SPINK5: variants seen among roughly 807,000 people sequenced by gnomAD.
The protein encoded by SPINK5 is serine protease inhibitor Kazal-type 5.
In SPINK5, 125 loss-of-function variants were observed where a neutral mutation model predicts 151.8. That is an observed-to-expected ratio of 0.82 (90% confidence interval 0.71 to 0.96). The LOEUF is 0.96. Among genes scored for constraint, SPINK5 ranks in the 40% least tolerant of loss-of-function variants. SPINK5 has a pLI of 0.00. For synonymous variants in SPINK5, 374 were observed against 395.3 expected (o/e 0.95, Z 0.64); for missense variants, 1,194 against 1,291.9 (o/e 0.92, Z 1.16).
chr5:148,131,143 C>G (rs1754559432), intron 30 of SPINK5, 116 bp from the exon 31 acceptor site: 5 of 1,325,412 alleles, frequency 3.8e-6, no homozygotes, highest in Non-Finnish European at 5.4e-6. Context: ...ACATATATCA[C>G]ACTCCTTTTA....
At chr5:148,074,210 G>A (rs1387026968) in intron 4 of SPINK5, among the ~76,000 whole-genome samples, 1 of 151,718 alleles carries the variant, frequency 6.6e-6, no homozygotes, top group Non-Finnish European at 1.5e-5. Flanking sequence ...TCCTCCTACA[G>A]ACATCCTCTC....
intron 4 of SPINK5, among the ~76,000 whole-genome samples, chr5:148,072,905 TAGAA>T (rs1299189096): frequency 2.7e-5 from 4 of 150,904 alleles, no homozygotes; most frequent in African/African-American, 7.3e-5. Context: ...AGAAGTAAGA[TAGAA>T]GGAAGGAAAG....
At chr5:148,099,519 A>G (rs1753578185) in intron 12 of SPINK5, among the ~76,000 whole-genome samples, 1 of 141,974 alleles carries the variant, frequency 7.0e-6, no homozygotes, top group South Asian at 2.3e-4. Context: ...AAAAAAAAAA[A>G]TTGTTTAAAA....
In SPINK5 at chr5:148,129,328, T is replaced by C. The variant is rs1394599112; in HGVS notation, c.2965-1931T>C. ...AAGGAATAACTTTGCCTGATACCTA[T>C]TGAAAACACTGCAGGGAGGCAAGGG... is the stretch of plus-strand genomic sequence containing the variant. On this transcript the variant is annotated intron_variant, in intron 30 of 32. Coordinates refer to ENST00000256084, the MANE Select transcript of SPINK5 (RefSeq NM_006846.4). Among the ~76,000 whole-genome samples, 8 of 152,212 alleles carry C rather than the reference T, an allele frequency of 5.3e-5. No homozygotes were observed. The East Asian group carries it at 5.8e-4, about 11-fold the overall frequency.
chr5:148,118,913 C>T lies in SPINK5; in HGVS notation c.2241-73C>T, dbSNP rs1025607325. 23 of 1,465,762 alleles carry T rather than the reference C, an allele frequency of 1.6e-5. 1 individual carries two copies. The Middle Eastern group carries it at 6.9e-4, about 44-fold the overall frequency. 90.8% of individuals were successfully genotyped at this position (1,465,762 alleles called of 1,614,324 possible). On this transcript the variant is annotated intron_variant, in intron 23 of 32. Transcript: ENST00000256084. Reference sequence around the variant, plus strand: ...GAAAGCTGACTTCTTGTCATTTGCACGGGACACACTTAGTGCATAATCCAG... The same window carrying T: ...GAAAGCTGACTTCTTGTCATTTGCATGGGACACACTTAGTGCATAATCCAG...
At position 148,137,115 on chromosome 5, in the gene SPINK5, G is replaced by C; in HGVS notation, c.*124G>C. On this transcript the variant is annotated 3_prime_UTR_variant, in exon 33 of 33. Transcript: ENST00000256084. ...CTTATTTGCTATAGAAAACAATACAGAGCTTTTGGGAATGGACTCACTGAT... is the reference window on the plus strand; with the variant it reads ...CTTATTTGCTATAGAAAACAATACACAGCTTTTGGGAATGGACTCACTGAT... 1 of 1,289,200 alleles carries C rather than the reference G, an allele frequency of 7.8e-7. No individual in the cohort carries two copies. Among genetic ancestry groups the C allele is most frequent in the Non-Finnish European group, 1.1e-6 (1 of 889,720 alleles). 79.9% of individuals were successfully genotyped at this position (1,289,200 alleles called of 1,614,324 possible). A position where few individuals can be genotyped will look rare whatever the true frequency, so the allele number is the denominator to read the frequency against.
chr5:148,064,094 T>C lies in SPINK5; in HGVS notation c.50T>C (p.Ile17Thr). 1.9e-6 allele frequency: 3 copies of C among 1,614,160 alleles called. No individual in the cohort carries two copies. Among genetic ancestry groups the C allele is most frequent in the South Asian group, 2.2e-5 (2 of 91,084 alleles). ...SVLLPLALCL[I>T]QDAASKNEDQ... ...CTTCTGCCCTTGGCTCTTTGCCTCA[T>C]ACAAGGTGAGCAATTTGTGTGTAAT... The change falls in exon 1 of 33, where the codon ATA becomes ACA. Residue 17 changes from isoleucine (I) to threonine (T), a missense_variant. Ile to Thr is a moderately conservative substitution (Grantham distance 89). Transcript: ENST00000256084.
At chr5:148,077,902 C>CA (rs201845670) in intron 4 of SPINK5, among the ~76,000 whole-genome samples, 2,139 of 149,620 alleles carry the variant, frequency 0.014, 52 homozygotes, top group African/African-American at 0.049. Context: ...AACAGAGAAG[C>CA]AAAAAAAGAC....
chr5:148,117,638 T>C (rs1754130500), intron 22 of SPINK5, among the ~76,000 whole-genome samples: 1 of 152,206 alleles, frequency 6.6e-6, no homozygotes, highest in Non-Finnish European at 1.5e-5. Flanking sequence ...TTGAACAACA[T>C]GGGTTTGAAT....
chr5:148,089,781 C>T (rs1368919484), intron 7 of SPINK5, among the ~76,000 whole-genome samples, 160 bp downstream of exon 7: 1 of 151,696 alleles, frequency 6.6e-6, no homozygotes, highest in Non-Finnish European at 1.5e-5. Flanking sequence ...TTTTCTTTTT[C>T]TTCTTATCAT....
Position 148,063,984 on chromosome 5 carries a change from A to C in SPINK5, c.-61A>C, listed in dbSNP as rs74572734. ...AAACTGCATCGCCCCGAGTTCAGTCATACTGCACCAGCTGAGCAATGCATG... is the reference window on the plus strand; with the variant it reads ...AAACTGCATCGCCCCGAGTTCAGTCCTACTGCACCAGCTGAGCAATGCATG... On this transcript the variant is annotated 5_prime_UTR_variant, in exon 1 of 33. Coordinates refer to ENST00000256084, the MANE Select transcript of SPINK5 (RefSeq NM_006846.4). The C allele has an allele frequency of 8.7e-3, 13,728 of 1,585,648 alleles. 1,012 individuals are homozygous for C. In the African/African-American group the frequency reaches 0.16, roughly 18 times the overall value.
intron 2 of SPINK5, 70 bp from the exon 3 acceptor site, chr5:148,070,253 A>T (rs1752701235): frequency 9.7e-6 from 15 of 1,542,660 alleles, no homozygotes; most frequent in Non-Finnish European, 1.3e-5. Context: ...ATATATCTAC[A>T]TATATATATC....
intron 4 of SPINK5, among the ~76,000 whole-genome samples, chr5:148,084,571 T>A (rs1753104920): frequency 6.6e-6 from 1 of 151,920 alleles, no homozygotes; most frequent in South Asian, 2.1e-4. Flanking sequence ...TACGTTGCTG[T>A]TGATTTTCTG....
chr5:148,065,650 A>G (rs995069709), intron 2 of SPINK5, among the ~76,000 whole-genome samples: 1 of 152,164 alleles, frequency 6.6e-6, no homozygotes, highest in Admixed American at 6.6e-5. Flanking sequence ...TTCATAAACA[A>G]AAAATAAATC....
At chr5:148,126,521 C>T (rs1369315574) in intron 29 of SPINK5, among the ~76,000 whole-genome samples, 1 of 152,150 alleles carries the variant, frequency 6.6e-6, no homozygotes, top group Non-Finnish European at 1.5e-5. Context: ...TAATTGTGTA[C>T]TTTTCTTAAT....
intron 16 of SPINK5, among the ~76,000 whole-genome samples, chr5:148,106,703 C>G (rs966039858): frequency 1.3e-5 from 2 of 152,032 alleles, no homozygotes; most frequent in East Asian, 3.9e-4. Context: ...AAAGACAAAT[C>G]ACAGGTAAGC....
chr5:148,115,684 T>C (rs1046661658), intron 21 of SPINK5, among the ~76,000 whole-genome samples: 3 of 152,194 alleles, frequency 2.0e-5, no homozygotes, highest in Middle Eastern at 3.4e-3. Context: ...TTGTGAAAGG[T>C]AGAAAATCCA....
intron 8 of SPINK5, among the ~76,000 whole-genome samples, chr5:148,093,795 C>T (rs1227212337): frequency 2.6e-5 from 4 of 151,736 alleles, no homozygotes; most frequent in African/African-American, 4.8e-5. Flanking sequence ...TCTTGGTCAG[C>T]CTTATTTTTT....
At chr5:148,134,045 TTAAG>T (rs778879485) in intron 32 of SPINK5, 158 bp downstream of exon 32, 64 of 721,936 alleles carry the variant, frequency 8.9e-5, no homozygotes, top group Non-Finnish European at 1.2e-4. Flanking sequence ...ATAAGGATAA[TTAAG>T]TAATTACTGA....
Sources: gnomAD v4.1 joint callset for allele counts (sites outside exome capture counted in the v4.1 genomes callset) on GRCh38, gnomAD v4.1.1 for gene constraint, MANE v1.5 for transcripts, NCBI Gene and HGNC (gene_info 2026-07-23, HGNC 2026-07-21) for gene names.